The following ZNF572 variants were observed in gnomAD, a reference collection of about 807,000 sequenced individuals.
ZNF572 encodes zinc finger protein 572.
Under a neutral mutation model 3.8 loss-of-function variants are expected in ZNF572, and 2 were observed. That is an observed-to-expected ratio of 0.52 (90% confidence interval 0.21 to 1.65). The LOEUF (loss-of-function observed/expected upper bound fraction) is 1.65, where lower values mean the gene tolerates loss of function less well. Among genes scored for constraint, ZNF572 ranks in the 40% most tolerant of loss-of-function variants. ZNF572 has a pLI of 0.20. For synonymous variants in ZNF572, 187 were observed against 204.5 expected, an observed-to-expected ratio of 0.91 and a Z score of 0.73; for missense variants, 581 against 633.4, an observed-to-expected ratio of 0.92 and a Z score of 0.89.
At position 124,976,816 on chromosome 8, in the gene ZNF572, C is replaced by T; in HGVS notation, c.548C>T (p.Thr183Ile). Residue 183 changes from threonine (T) to isoleucine (I), a missense_variant, in exon 3 of 3, where the codon ACA (threonine) becomes ATA (isoleucine). Coordinates refer to ENST00000319286, the MANE Select transcript of ZNF572 (RefSeq NM_152412.3). ...CTGATTCAGCATCTAAGAATGCACA[C>T]AGGAGAGAAGCCCTACCAGTGTGGT... ...SHLIQHLRMHTGEKPYQCGEC... is the reference protein window; with the variant it reads ...SHLIQHLRMHIGEKPYQCGEC... 1.2e-6 allele frequency: 2 copies of T among 1,614,200 alleles called. No individual in the cohort carries two copies. Among genetic ancestry groups the T allele is most frequent in the Non-Finnish European group, 8.5e-7 (1 of 1,180,028 alleles).
At position 124,977,178 on chromosome 8, in the gene ZNF572, G is replaced by C. The variant is rs779325249; in HGVS notation, c.910G>C (p.Glu304Gln). 1 of 1,610,150 alleles carries C rather than the reference G, an allele frequency of 6.2e-7. No homozygotes were observed. The highest frequency in any genetic ancestry group is 8.5e-7 in the Non-Finnish European group (1 of 1,179,996). ...AGGTGAGAAGCCCTACAAATGTCTT[G>C]AGTGTGAAAAAAGCTTTGGTTGTAA... is the stretch of plus-strand genomic sequence containing the variant. ...HTGEKPYKCL[E>Q]CEKSFGCNST... Residue 304 changes from glutamate (E) to glutamine (Q), a missense_variant, in exon 3 of 3, where the codon GAG becomes CAG. Physicochemically the swap from Glu to Gln is conservative, Grantham distance 29. Transcript: ENST00000319286.
At position 124,977,264 on chromosome 8, in the gene ZNF572, A is replaced by G; in HGVS notation, c.996A>G (p.Glu332=). 6.2e-7 allele frequency: 1 copy of G among 1,613,746 alleles called. No homozygotes were observed. The highest frequency in any genetic ancestry group is 8.5e-7 in the Non-Finnish European group (1 of 1,179,980). Residue 332 remains glutamate (E), a synonymous_variant, in exon 3 of 3, where the codon GAA becomes GAG. Coordinates refer to ENST00000319286, the MANE Select transcript of ZNF572 (RefSeq NM_152412.3). ...HTGEKPYQCP[E]CGKNFSRSSN... ...GAGAAAAGCCTTATCAATGTCCAGA[A>G]TGTGGGAAGAATTTTAGTCGTAGTT...
Position 124,977,390 on chromosome 8 carries a change from A to C in ZNF572, c.1122A>C (p.Glu374Asp). 2.5e-6 allele frequency: 4 copies of C among 1,614,190 alleles called. No homozygotes were observed. Among genetic ancestry groups the C allele is most frequent in the East Asian group, 2.2e-5 (1 of 44,868 alleles). The change falls in exon 3 of 3, where the codon GAA becomes GAC. Residue 374 changes from glutamate (E) to aspartate (D), a missense_variant. Coordinates refer to ENST00000319286, the MANE Select transcript of ZNF572 (RefSeq NM_152412.3). ...SLGQNCNVIE[E>D]CRIQLGEKPY... ...GTCAGAACTGCAATGTGATAGAAGAATGCAGAATCCAGTTAGGAGAGAAAC... is the reference window on the plus strand; with the variant it reads ...GTCAGAACTGCAATGTGATAGAAGACTGCAGAATCCAGTTAGGAGAGAAAC...
Position 124,977,564 on chromosome 8 carries a change from G to A in ZNF572, c.1296G>A (p.Arg432=). The change falls in exon 3 of 3, where the codon AGG becomes AGA. Residue 432 remains arginine, a synonymous_variant. Coordinates refer to ENST00000319286, the MANE Select transcript of ZNF572 (RefSeq NM_152412.3). Reference sequence around the variant, plus strand: ...GTTCCACCCTGGTGATTCACCAAAGGACACATACAGGAGAGAAACCTTATA... The same window carrying A: ...GTTCCACCCTGGTGATTCACCAAAGAACACATACAGGAGAGAAACCTTATA... The part of the protein sequence containing the change: ...SQSSTLVIHQ[R]THTGEKPYKC... 1.9e-6 allele frequency: 3 copies of A among 1,614,176 alleles called. No individual in the cohort carries two copies. Among genetic ancestry groups the A allele is most frequent in the South Asian group, 2.2e-5 (2 of 91,080 alleles).
At chr8:124,974,635 C>T (rs1431511034) in intron 1 of ZNF572, among the ~76,000 whole-genome samples, 1 of 152,126 alleles carries the variant, frequency 6.6e-6, no homozygotes, top group Non-Finnish European at 1.5e-5. Context: ...TGCCAAAAGT[C>T]CATATGTCAC....
At chr8:124,976,323 T>G in intron 2 of ZNF572, 25 bp from the exon 3 acceptor site, 3 of 1,532,192 alleles carry the variant, frequency 2.0e-6, no homozygotes, top group Non-Finnish European at 2.6e-6. Context: ...TGGAATATGG[T>G]TAGAATATTT....
At chr8:124,974,904 G>T (rs890687635) in intron 1 of ZNF572, among the ~76,000 whole-genome samples, 1 of 152,128 alleles carries the variant, frequency 6.6e-6, no homozygotes, top group Admixed American at 6.5e-5. Context: ...CATTAGCCAG[G>T]ATGGAACATT....
At position 124,976,940 on chromosome 8, in the gene ZNF572, A is replaced by G. The variant is rs757319450; in HGVS notation, c.672A>G (p.Arg224=). 6.2e-7 allele frequency: 1 copy of G among 1,614,096 alleles called. No homozygotes were observed. Among genetic ancestry groups the G allele is most frequent in the Non-Finnish European group, 8.5e-7 (1 of 1,180,012 alleles). ...ACAAATGTCCCGAGTGTGGGAAGAG[A>G]TTCAGCAGCAGCTCTCACCTTATTC... ...KPYKCPECGK[R]FSSSSHLIQH... is the part of the protein sequence containing the mutation. Residue 224 remains arginine (R), a synonymous_variant, in exon 3 of 3, where the codon AGA becomes AGG. Transcript: ENST00000319286.
chr8:124,975,822 T>TTA (rs1354538922), intron 2 of ZNF572, 103 bp downstream of exon 2: 1 of 844,094 alleles, frequency 1.2e-6, no homozygotes, highest in Non-Finnish European at 1.9e-6. Context: ...GTTCTGTCAC[T>TTA]TATAAGCTGT....
At chr8:124,975,319 C>T (rs1026585062) in intron 1 of ZNF572, among the ~76,000 whole-genome samples, 99 of 152,272 alleles carry the variant, frequency 6.5e-4, no homozygotes, top group African/African-American at 2.3e-3. Flanking sequence ...TTCTAAGCTA[C>T]GTGTGGACAA....
chr8:124,973,676 C>T (rs1588104015), intron 1 of ZNF572, among the ~76,000 whole-genome samples: 1 of 152,216 alleles, frequency 6.6e-6, no homozygotes, highest in East Asian at 1.9e-4. Flanking sequence ...GTTCTTAAAA[C>T]TAGGCTTCAG....
rs766562493 is a variant in ZNF572 at position 124,975,616 on chromosome 8, C to T, written c.-25C>T. 5.0e-6 allele frequency: 8 copies of T among 1,595,186 alleles called. No homozygotes were observed. Among genetic ancestry groups the T allele is most frequent in the South Asian group, 1.1e-5 (1 of 90,612 alleles). On this transcript the variant is annotated 5_prime_UTR_variant, in exon 2 of 3. Transcript: ENST00000319286. ...TATTTCCTTCCACAGGGTTTCTGAT[C>T]TCTAACTTGGCTGTGATCATTGTGA... is the stretch of plus-strand genomic sequence containing the variant.
In ZNF572 at chr8:124,976,382, C is replaced by T. The variant is rs1814506004; in HGVS notation, c.114C>T (p.His38=). The T allele has an allele frequency of 1.2e-6, 2 of 1,603,340 alleles. No homozygotes were observed. Among genetic ancestry groups the T allele is most frequent in the African/African-American group, 1.3e-5 (1 of 74,268 alleles). ...DTSMNNLETV[H]HNNSKADKLK... Reference sequence around the variant, plus strand: ...GTATGAATAATTTGGAAACTGTTCACCACAATAATTCTAAGGCAGATAAAC... The same window carrying T: ...GTATGAATAATTTGGAAACTGTTCATCACAATAATTCTAAGGCAGATAAAC... Residue 38 remains histidine, a synonymous_variant, in exon 3 of 3, where the codon CAC becomes CAT. Transcript: ENST00000319286.
chr8:124,975,285 CT>C (rs1471731213), intron 1 of ZNF572, among the ~76,000 whole-genome samples: 2 of 152,080 alleles, frequency 1.3e-5, no homozygotes, highest in African/African-American at 4.8e-5. Context: ...AAAAAAAATA[CT>C]TTGCTTTTTA....
chr8:124,975,080 C>T (rs1247299420), intron 1 of ZNF572, among the ~76,000 whole-genome samples: 1 of 152,192 alleles, frequency 6.6e-6, no homozygotes, highest in African/African-American at 2.4e-5. Flanking sequence ...AATTATTCCA[C>T]CTCGGCTTTG....
In ZNF572 at chr8:124,976,876, T is replaced by G. The variant is rs775843770; in HGVS notation, c.608T>G (p.Leu203Arg). 6.2e-7 allele frequency: 1 copy of G among 1,614,092 alleles called. No homozygotes were observed. Among genetic ancestry groups the G allele is most frequent in the South Asian group, 1.1e-5 (1 of 91,074 alleles). ...AAAAGCTTCAGCAATACCTCCCATC[T>G]TATTATCCATGAGAGAACTCACACG... ...CGKSFSNTSH[L>R]IIHERTHTGE... Residue 203 changes from leucine to arginine, a missense_variant, in exon 3 of 3, where the codon CTT becomes CGT. Physicochemically the swap from Leu to Arg is moderately radical, Grantham distance 102. Transcript: ENST00000319286.
In ZNF572 at chr8:124,976,928, G is replaced by A; in HGVS notation, c.660G>A (p.Glu220=). Residue 220 remains glutamate (E), a synonymous_variant, in exon 3 of 3, where the codon GAG becomes GAA. Transcript: ENST00000319286. ...HTGEKPYKCP[E]CGKRFSSSSH... ...GAGAGAAACCCTACAAATGTCCCGA[G>A]TGTGGGAAGAGATTCAGCAGCAGCT... 1 of 1,614,092 alleles carries A rather than the reference G, an allele frequency of 6.2e-7. No homozygotes were observed. Among genetic ancestry groups the A allele is most frequent in the Non-Finnish European group, 8.5e-7 (1 of 1,180,004 alleles).
chr8:124,976,421 T>C lies in ZNF572; in HGVS notation c.153T>C (p.Pro51=). ...NSKADKLKEK[P]SEWSKRHRPQ... is the part of the protein sequence containing the mutation. Reference sequence around the variant, plus strand: ...AGGCAGATAAACTTAAAGAGAAACCTTCAGAATGGTCTAAAAGACATAGAC... The same window carrying C: ...AGGCAGATAAACTTAAAGAGAAACCCTCAGAATGGTCTAAAAGACATAGAC... Residue 51 remains proline, a synonymous_variant, in exon 3 of 3, where the codon CCT becomes CCC. Coordinates refer to ENST00000319286, the MANE Select transcript of ZNF572 (RefSeq NM_152412.3). The C allele has an allele frequency of 1.2e-6, 2 of 1,613,890 alleles. No individual in the cohort carries two copies. Among genetic ancestry groups the C allele is most frequent in the Non-Finnish European group, 1.7e-6 (2 of 1,179,930 alleles).
intron 1 of ZNF572, among the ~76,000 whole-genome samples, 165 bp downstream of exon 1, chr8:124,973,581 G>A (rs1386962809): frequency 6.6e-6 from 1 of 152,208 alleles, no homozygotes; most frequent in African/African-American, 2.4e-5. Flanking sequence ...TGTCCGCGGG[G>A]TCCCTTACGG....
Sources: allele counts gnomAD v4.1 joint callset (sites outside exome capture counted in the v4.1 genomes callset), GRCh38; gene constraint gnomAD v4.1.1; transcripts MANE v1.5; gene names NCBI Gene and HGNC (gene_info 2026-07-23, HGNC 2026-07-21).